PMS1: variants seen among roughly 807,000 people sequenced by gnomAD.
PMS1 encodes the protein PMS1 protein homolog 1.
In PMS1, 79 loss-of-function variants were observed where a neutral mutation model predicts 93.1. The observed-to-expected ratio is 0.85, with a 90% CI of 0.71 to 1.02. PMS1 has a LOEUF of 1.02. Among genes scored for constraint, PMS1 ranks in the 50% least tolerant of loss-of-function variants. The pLI is 0.00. For synonymous variants in PMS1, 335 were observed against 363.4 expected (o/e 0.92, Z 0.89); for missense variants, 1,064 against 1,085.3 (o/e 0.98, Z 0.28).
chr2:189,789,446 AT>A (rs1186623525), intron 1 of PMS1, among the ~76,000 whole-genome samples: 1 of 152,048 alleles, frequency 6.6e-6, no homozygotes, highest in South Asian at 2.1e-4. Flanking sequence ...GGTCTGTTAC[AT>A]TTTTTTCATT....
In PMS1 at chr2:189,818,172, C is replaced by T. The variant is rs771034057; in HGVS notation, c.574C>T (p.His192Tyr). The change falls in exon 5 of 13, where the codon CAT (histidine) becomes TAT (tyrosine). Residue 192 changes from histidine to tyrosine, a missense_variant. By Grantham distance (83) the His-to-Tyr change is moderately conservative. Coordinates refer to ENST00000441310, the MANE Select transcript of PMS1 (RefSeq NM_000534.5). ...ACCTGACTTAAGGATTGTCTTTGTACATAACAAGGTAAACATTATTTTATC... is the reference window on the plus strand; with the variant it reads ...ACCTGACTTAAGGATTGTCTTTGTATATAACAAGGTAAACATTATTTTATC... ...LKPDLRIVFV[H>Y]NKAVIWQKSR... The T allele has an allele frequency of 7.0e-6, 11 of 1,580,484 alleles. No homozygotes were observed. In the South Asian group the frequency reaches 1.0e-4, roughly 14 times the overall value.
chr2:189,813,082 C>T (rs2050979545), intron 4 of PMS1, among the ~76,000 whole-genome samples: 1 of 152,146 alleles, frequency 6.6e-6, no homozygotes, highest in South Asian at 2.1e-4. Flanking sequence ...CTGTCTTCAA[C>T]TACTAGGGTT....
Position 189,791,913 on chromosome 2 carries a change from C to G in PMS1, c.104C>G (p.Ala35Gly). 6.2e-7 allele frequency: 1 copy of G among 1,613,816 alleles called. No individual in the cohort carries two copies. Among genetic ancestry groups the G allele is most frequent in the Non-Finnish European group, 8.5e-7 (1 of 1,179,754 alleles). Residue 35 changes from alanine to glycine, a missense_variant, in exon 2 of 13, where the codon GCT becomes GGT. Transcript: ENST00000441310. ...VKELIENSLD[A>G]GATSVDVKLE... The stretch of plus-strand genomic sequence containing the variant: ...GAGCTTATTGAAAACTCCTTGGATG[C>G]TGGTGCCACAAGCGTAGATGTTAAA...
At chr2:189,853,763 C>A (rs574311968) in intron 7 of PMS1, among the ~76,000 whole-genome samples, 176 bp from the exon 8 acceptor site, 8 of 152,136 alleles carry the variant, frequency 5.3e-5, no homozygotes, top group Non-Finnish European at 7.4e-5. Flanking sequence ...GTGATCCCCC[C>A]ACCTTGGCCT....
intron 11 of PMS1, among the ~76,000 whole-genome samples, chr2:189,873,210 C>T (rs2057297300): frequency 6.6e-6 from 1 of 152,184 alleles, no homozygotes; most frequent in Non-Finnish European, 1.5e-5. Context: ...ACTCCATTTT[C>T]TCTCCAAAGC....
intron 3 of PMS1, among the ~76,000 whole-genome samples, chr2:189,801,068 G>T (rs1468334905): frequency 6.6e-6 from 1 of 152,098 alleles, no homozygotes; most frequent in East Asian, 1.9e-4. Flanking sequence ...TCACTCTCTT[G>T]TTCAGGCTGG....
chr2:189,854,616 C>G lies in PMS1; in HGVS notation c.1344C>G (p.Asn448Lys). 6.2e-7 allele frequency: 1 copy of G among 1,613,868 alleles called. No individual in the cohort carries two copies. The highest frequency in any genetic ancestry group is 1.1e-5 in the South Asian group (1 of 91,070). Residue 448 changes from asparagine (N) to lysine (K), a missense_variant, in exon 9 of 13, where the codon AAC becomes AAG. Coordinates refer to ENST00000441310, the MANE Select transcript of PMS1 (RefSeq NM_000534.5). ...DISMSNVSWE[N>K]SQTEYSKTCF... is the part of the protein sequence containing the mutation. The stretch of plus-strand genomic sequence containing the variant: ...CAATGAGTAATGTATCATGGGAGAA[C>G]TCTCAGACGGAATATAGTAAAACTT...
chr2:189,841,594 T>C (rs5743102), intron 5 of PMS1, among the ~76,000 whole-genome samples: 3,655 of 152,164 alleles, frequency 0.024, 69 homozygotes, highest in South Asian at 0.06. Flanking sequence ...TTTCATCTTA[T>C]TATACGTAAT....
intron 1 of PMS1, among the ~76,000 whole-genome samples, chr2:189,785,088 T>C (rs1222845671): frequency 1.3e-5 from 2 of 152,148 alleles, no homozygotes; most frequent in Non-Finnish European, 2.9e-5. Flanking sequence ...CTTGATTAGG[T>C]TTTTTTGGAA....
chr2:189,850,438 T>G (rs2054597379), intron 6 of PMS1, among the ~76,000 whole-genome samples: 1 of 152,066 alleles, frequency 6.6e-6, no homozygotes, highest in South Asian at 2.1e-4. Flanking sequence ...TTTTACCAAG[T>G]TTTGAATGTG....
At position 189,854,985 on chromosome 2, in the gene PMS1, C is replaced by G; in HGVS notation, c.1713C>G (p.Ile571Met). 1 of 1,613,318 alleles carries G rather than the reference C, an allele frequency of 6.2e-7. No individual in the cohort carries two copies. Among genetic ancestry groups the G allele is most frequent in the Non-Finnish European group, 8.5e-7 (1 of 1,179,398 alleles). The change falls in exon 9 of 13, where the codon ATC (isoleucine) becomes ATG (methionine). Residue 571 changes from isoleucine to methionine, a missense_variant. Coordinates refer to ENST00000441310, the MANE Select transcript of PMS1 (RefSeq NM_000534.5). ...TAYDLLSNRV[I>M]KKPMSASALF... ...ATGATTTACTTAGCAATCGAGTAAT[C>G]AAGAAACCCATGTCAGCAAGTGCTC... is the stretch of plus-strand genomic sequence containing the variant.
rs2106232968 is a variant in PMS1, at chr2:189,795,795, G to A, written c.159G>A (p.Glu53=). The part of the protein sequence containing the change: ...KLENYGFDKI[E]VRDNGEGIKA... Reference sequence around the variant, plus strand: ...AGAACTATGGATTTGATAAAATTGAGGTGCGAGATAACGGGGAGGGTATCA... The same window carrying A: ...AGAACTATGGATTTGATAAAATTGAAGTGCGAGATAACGGGGAGGGTATCA... Residue 53 remains glutamate, a synonymous_variant, in exon 3 of 13, where the codon GAG becomes GAA. Coordinates refer to ENST00000441310, the MANE Select transcript of PMS1 (RefSeq NM_000534.5). 6.2e-7 allele frequency: 1 copy of A among 1,613,696 alleles called. No individual in the cohort carries two copies. Among genetic ancestry groups the A allele is most frequent in the Non-Finnish European group, 8.5e-7 (1 of 1,179,654 alleles).
intron 5 of PMS1, among the ~76,000 whole-genome samples, chr2:189,818,726 C>CT (rs2051549002): frequency 6.6e-6 from 1 of 152,170 alleles, no homozygotes. Flanking sequence ...ATTTCTTAAT[C>CT]TCTGAAATCA....
In PMS1 at chr2:189,877,439, A is replaced by G; in HGVS notation, c.*3A>G. On this transcript the variant is annotated 3_prime_UTR_variant, in exon 13 of 13. Transcript: ENST00000441310. ...CCTATCTTCCAGAAACTACATGATT[A>G]AATATGTTTAAGAAGATTAGTTACC... 6.3e-7 allele frequency: 1 copy of G among 1,599,138 alleles called. No homozygotes were observed. The highest frequency in any genetic ancestry group is 8.6e-7 in the Non-Finnish European group (1 of 1,166,534).
rs778557193 is a variant in PMS1 at position 189,854,749 on chromosome 2, A to C, written c.1477A>C (p.Ile493Leu). The C allele has an allele frequency of 1.9e-6, 3 of 1,613,888 alleles. No individual in the cohort carries two copies. In the South Asian group the frequency reaches 3.3e-5, roughly 18 times the overall value. Residue 493 changes from isoleucine to leucine, a missense_variant, in exon 9 of 13, where the codon ATT becomes CTT. By Grantham distance (5) the Ile-to-Leu change is conservative. Transcript: ENST00000441310. ...AGCAGGTCTTGAAAACTCTTCGGAA[A>C]TTTCTGCAGATGAGTGGAGCAGGGG... The part of the protein sequence containing the change: ...EEAGLENSSE[I>L]SADEWSRGNI...
chr2:189,792,932 C>T (rs2049023009), intron 2 of PMS1, among the ~76,000 whole-genome samples: 1 of 151,986 alleles, frequency 6.6e-6, no homozygotes, highest in South Asian at 2.1e-4. Flanking sequence ...GCCCCAGCCT[C>T]CTGAATAGCT....
In PMS1 at chr2:189,826,450, CT is replaced by C. The variant is rs76322920; in HGVS notation, c.582+8284del. On this transcript the variant is annotated intron_variant, in intron 5 of 12. Transcript: ENST00000441310. The stretch of plus-strand genomic sequence containing the variant: ...TTATCAATATGGTTTGGTTTGGGGT[CT>C]TTTTTTTTTTTTTGCTACTTACAAA... Among the ~76,000 whole-genome samples, 467 of 125,900 alleles carry C rather than the reference CT, an allele frequency of 3.7e-3. 4 individuals carry two copies. The highest frequency in any genetic ancestry group is 5.6e-3 in the East Asian group (24 of 4,250). 82.6% of individuals were successfully genotyped at this position (125,900 alleles called of 152,430 possible).
chr2:189,874,936 TA>T (rs5743194), intron 12 of PMS1, among the ~76,000 whole-genome samples: 244 of 152,108 alleles, frequency 1.6e-3, no homozygotes, highest in African/African-American at 5.8e-3. Context: ...AGGAATAAAG[TA>T]AATTGGGACT....
At chr2:189,863,105 AT>A (rs2056193068) in intron 9 of PMS1, among the ~76,000 whole-genome samples, 1 of 151,486 alleles carries the variant, frequency 6.6e-6, no homozygotes, top group Non-Finnish European at 1.5e-5. Flanking sequence ...GTGGGTCTCT[AT>A]TTTTTTCACC....
Sources: allele counts gnomAD v4.1 joint callset (sites outside exome capture counted in the v4.1 genomes callset), GRCh38; gene constraint gnomAD v4.1.1; transcripts MANE v1.5; gene names NCBI Gene and HGNC (gene_info 2026-07-23, HGNC 2026-07-21).